The following OTOG variants were observed in gnomAD, a reference collection of about 807,000 sequenced individuals.
OTOG encodes otogelin.
Under a neutral mutation model 313.8 loss-of-function variants are expected in OTOG, and 296 were observed. The ratio of observed to expected loss-of-function variants is 0.94; its 90% CI spans 0.86 to 1.04. The LOEUF is 1.04. OTOG is among the 50% of genes least tolerant of loss of function. The pLI is 0.00. For missense variants in OTOG, 3,948 were observed against 3,840.1 expected (o/e 1.03, Z -0.74); for synonymous variants, 1,533 against 1,554.9 (o/e 0.99, Z 0.33).
At chr11:17,635,803 A>G (rs1408250469) in intron 47 of OTOG, 92 bp downstream of exon 47, 49 of 1,068,906 alleles carry the variant, frequency 4.6e-5, no homozygotes, top group South Asian at 3.4e-4. Context: ...ACAGGGAGCA[A>G]CAGAGCGCCC....
At chr11:17,608,548 C>T (rs947409052) in intron 34 of OTOG, 135 bp downstream of exon 34, 8 of 607,954 alleles carry the variant, frequency 1.3e-5, no homozygotes, top group Non-Finnish European at 1.9e-5. Flanking sequence ...CTGTGTCTTT[C>T]CGTATATGCA....
chr11:17,609,549 T>A, intron 35 of OTOG, 106 bp from the exon 36 acceptor site: 1 of 1,049,846 alleles, frequency 9.5e-7, no homozygotes, highest in Non-Finnish European at 1.4e-6. Flanking sequence ...CCTCACCCCA[T>A]CACCGAGAGT....
At chr11:17,595,638 T>C (rs558741746) in intron 28 of OTOG, among the ~76,000 whole-genome samples, 1 of 152,272 alleles carries the variant, frequency 6.6e-6, no homozygotes, top group South Asian at 2.1e-4. Flanking sequence ...CTTGCAACTG[T>C]AGGGCTGGGA....
Position 17,606,011 on chromosome 11 carries a change from C to T in OTOG, c.4032C>T (p.Gly1344=). 2 of 1,550,588 alleles carry T rather than the reference C, an allele frequency of 1.3e-6. No individual in the cohort carries two copies. Among genetic ancestry groups the T allele is most frequent in the South Asian group, 1.2e-5 (1 of 84,058 alleles). The stretch of plus-strand genomic sequence containing the variant: ...TGCACCGGGGGACACGGCAGGCAGG[C>T]CTGGTGGCCCTGGAGTCCCTGGCCA... The part of the protein sequence containing the change: ...FLLHRGTRQA[G]LVALESLAKP... Residue 1344 remains glycine (G), a synonymous_variant, in exon 33 of 56, where the codon GGC becomes GGT. Transcript: ENST00000399397.
In OTOG at chr11:17,593,765, A is replaced by C. The variant is rs1255285726; in HGVS notation, c.3288+9A>C. ...CTGGGCCTCAGTGGCAGGTACTTAC[A>C]TGAGCAGTGACATTCTGCTCCTGCC... On this transcript the variant is annotated intron_variant, in intron 27 of 55. Coordinates refer to ENST00000399397, the MANE Select transcript of OTOG (RefSeq NM_001292063.2). 1.3e-6 allele frequency: 2 copies of C among 1,546,822 alleles called. No homozygotes were observed. The highest frequency in any genetic ancestry group is 2.4e-5 in the East Asian group (1 of 40,862).
intron 31 of OTOG, 36 bp from the exon 32 acceptor site, chr11:17,602,174 T>C (rs376783606): frequency 1.3e-6 from 2 of 1,547,034 alleles, no homozygotes. Flanking sequence ...GGGCAGGCCA[T>C]GGGGCCAGGT....
intron 28 of OTOG, among the ~76,000 whole-genome samples, chr11:17,595,113 G>A (rs1336890825): frequency 1.3e-5 from 2 of 152,176 alleles, no homozygotes; most frequent in African/African-American, 2.4e-5. Context: ...GGAAGCAGTC[G>A]TGCATGGCCT....
At chr11:17,597,325 G>A (rs1221908503) in intron 30 of OTOG, among the ~76,000 whole-genome samples, 2 of 152,150 alleles carry the variant, frequency 1.3e-5, no homozygotes, top group African/African-American at 4.8e-5. Context: ...GAAGAGTCAG[G>A]AGCCTAGACC....
In OTOG at chr11:17,643,520, GT is replaced by G; in HGVS notation, c.8461+15del. On this transcript the variant is annotated intron_variant, in intron 54 of 55. Transcript: ENST00000399397. ...GCTGCAGGACCTGTGAGTGAGCATG[GT>G]GGGGGCCCAGGGGTGGGGGGCTCTG... 6.9e-7 allele frequency: 1 copy of G among 1,442,258 alleles called. No individual in the cohort carries two copies. 89.3% of individuals were successfully genotyped at this position (1,442,258 alleles called of 1,614,324 possible). A position where few individuals can be genotyped will look rare whatever the true frequency, so the allele number is the denominator to read the frequency against.
Position 17,613,663 on chromosome 11 carries a change from T to C in OTOG, c.6490T>C (p.Leu2164=). 2.6e-6 allele frequency: 4 copies of C among 1,550,786 alleles called. No homozygotes were observed. The highest frequency in any genetic ancestry group is 3.5e-6 in the Non-Finnish European group (4 of 1,147,034). Residue 2164 remains leucine, a synonymous_variant, in exon 39 of 56, where the codon TTG becomes CTG. Coordinates refer to ENST00000399397, the MANE Select transcript of OTOG (RefSeq NM_001292063.2). ...TCTGGTGATGTTGAACATGACTCACTTGGCCCATCAGGTCACTATTGATCG... is the reference window on the plus strand; with the variant it reads ...TCTGGTGATGTTGAACATGACTCACCTGGCCCATCAGGTCACTATTGATCG... ...FCLVMLNMTH[L]AHQVTIDRFN...
chr11:17,568,314 G>T (rs183257122), intron 15 of OTOG, among the ~76,000 whole-genome samples: 5 of 152,230 alleles, frequency 3.3e-5, no homozygotes, highest in African/African-American at 1.2e-4. Flanking sequence ...GTTAGTTGTT[G>T]GTTGTAATAT....
At chr11:17,596,452 G>T (rs1045594111) in intron 29 of OTOG, among the ~76,000 whole-genome samples, 1 of 152,212 alleles carries the variant, frequency 6.6e-6, no homozygotes, top group Non-Finnish European at 1.5e-5. Flanking sequence ...TCATGCTGAG[G>T]CACCACCTAT....
At chr11:17,593,816 C>G in intron 27 of OTOG, 60 bp downstream of exon 27, 6 of 1,530,432 alleles carry the variant, frequency 3.9e-6, no homozygotes, top group Non-Finnish European at 5.3e-6. Flanking sequence ...CCCTGGGTGT[C>G]CTTGGGTGAG....
At chr11:17,552,803 T>C (rs1851973151) in intron 4 of OTOG, among the ~76,000 whole-genome samples, 1 of 152,188 alleles carries the variant, frequency 6.6e-6, no homozygotes, top group African/African-American at 2.4e-5. Flanking sequence ...TCACCCCACA[T>C]GCTCCCCATT....
At chr11:17,619,617 C>T (rs1853813414) in intron 39 of OTOG, among the ~76,000 whole-genome samples, 1 of 151,986 alleles carries the variant, frequency 6.6e-6, no homozygotes, top group Non-Finnish European at 1.5e-5. Context: ...CACAGACTAG[C>T]TACAAATAAT....
chr11:17,549,955 C>CA (rs1228528443), intron 3 of OTOG, among the ~76,000 whole-genome samples: 1 of 152,188 alleles, frequency 6.6e-6, no homozygotes, highest in Non-Finnish European at 1.5e-5. Context: ...AGTAGGCAAC[C>CA]AATCTTCATT....
Position 17,645,937 on chromosome 11 carries a change from G to C in OTOG, c.8735G>C (p.Trp2912Ser), listed in dbSNP as rs1175829115. Residue 2912 changes from tryptophan to serine, a missense_variant, in exon 56 of 56, where the codon TGG (tryptophan) becomes TCG (serine). Coordinates refer to ENST00000399397, the MANE Select transcript of OTOG (RefSeq NM_001292063.2). ...VQEPTDCACQ[W>S]S ...GAGCCCACCGACTGTGCCTGCCAGT[G>C]GTCCTGAGGCCTGGGGGCCCGGGCT... 1 of 1,549,364 alleles carries C rather than the reference G, an allele frequency of 6.5e-7. No individual in the cohort carries two copies.
At chr11:17,635,034 C>T in intron 45 of OTOG, 46 bp from the exon 46 acceptor site, 1 of 1,534,540 alleles carries the variant, frequency 6.5e-7, no homozygotes, top group Non-Finnish European at 8.8e-7. Context: ...CCAGGGGTGG[C>T]CAGGCAGGTT....
At chr11:17,633,556 A>C in intron 42 of OTOG, 124 bp from the exon 43 acceptor site, 1 of 894,008 alleles carries the variant, frequency 1.1e-6, no homozygotes, top group South Asian at 1.9e-5. Context: ...TAACTTATGC[A>C]CTCTCTGCTG....
Sources: gnomAD v4.1 joint callset for allele counts (sites outside exome capture counted in the v4.1 genomes callset) on GRCh38, gnomAD v4.1.1 for gene constraint, MANE v1.5 for transcripts, NCBI Gene and HGNC (gene_info 2026-07-23, HGNC 2026-07-21) for gene names.